Variants in HDGFL2 observed in about 807,000 individuals in gnomAD.
HDGFL2 encodes hepatoma-derived growth factor-related protein 2.
HDGFL2 carries 36 observed loss-of-function variants against 77.1 expected under a neutral mutation model. That is an observed-to-expected ratio of 0.47 (90% confidence interval 0.36 to 0.62). The LOEUF is 0.62. Among genes scored for constraint, HDGFL2 ranks in the 20% least tolerant of loss-of-function variants. The probability of loss-of-function intolerance (pLI) is 0.00; values close to 1 mark genes in which losing one functional copy is unlikely to be tolerated. For synonymous variants in HDGFL2, 463 were observed against 413.1 expected, an observed-to-expected ratio of 1.12 and a Z score of -1.46; for missense variants, 976 against 973.4, an observed-to-expected ratio of 1.00 and a Z score of -0.04.
intron 3 of HDGFL2, among the ~76,000 whole-genome samples, chr19:4,482,975 A>C (rs1030308725): frequency 2.5e-4 from 38 of 150,962 alleles, no homozygotes; most frequent in African/African-American, 9.3e-4. Flanking sequence ...CTGAGCTGCT[A>C]CTCCCCACCC....
At chr19:4,501,408 C>G (rs998003940) in intron 15 of HDGFL2, 91 bp downstream of exon 15, 2 of 1,432,902 alleles carry the variant, frequency 1.4e-6, no homozygotes, top group Admixed American at 2.2e-5. Context: ...GTGCCAGTCC[C>G]TCTGGGATGG....
intron 3 of HDGFL2, among the ~76,000 whole-genome samples, chr19:4,475,927 T>C (rs1355697191): frequency 6.6e-6 from 1 of 151,684 alleles, no homozygotes; most frequent in African/African-American, 2.4e-5. Flanking sequence ...TCTCGCTCTG[T>C]TGTCCAGGAT....
At position 4,501,259 on chromosome 19, in the gene HDGFL2, G is replaced by A. The variant is rs1292343694; in HGVS notation, c.1858G>A (p.Glu620Lys). Residue 620 changes from glutamate (E) to lysine (K), a missense_variant, in exon 15 of 16, where the codon GAG becomes AAG. Coordinates refer to ENST00000616600, the MANE Select transcript of HDGFL2 (RefSeq NM_001001520.3). ...GGAGAGCGCAGAGGACAAGGAGCAC[G>A]AGGAGGGTCGGGACTCGGAGGAGGG... ...KGESAEDKEH[E>K]EGRDSEEGPR... The A allele has an allele frequency of 5.6e-6, 9 of 1,613,558 alleles. No individual in the cohort carries two copies. The highest frequency in any genetic ancestry group is 1.3e-5 in the African/African-American group (1 of 75,030).
rs1412483984 is a variant in HDGFL2, at chr19:4,493,698, C to T, written c.679-5C>T. The T allele has an allele frequency of 6.8e-7, 1 of 1,459,992 alleles. No individual in the cohort carries two copies. The allele number at this position is 1,459,992 out of a possible 1,614,324, so 90.4% of individuals were successfully genotyped here. Reference sequence around the variant, plus strand: ...ATGCTCACGCCTGTCCCTGCTTCTCCCCAGAAGGCGCCATCAGCCTCCGAC... The same window carrying T: ...ATGCTCACGCCTGTCCCTGCTTCTCTCCAGAAGGCGCCATCAGCCTCCGAC... On this transcript the variant is annotated splice_region_variant and splice_polypyrimidine_tract_variant and intron_variant, in intron 6 of 15. Coordinates refer to ENST00000616600, the MANE Select transcript of HDGFL2 (RefSeq NM_001001520.3).
Position 4,501,907 on chromosome 19 carries a change from C to T in HDGFL2, c.1917-4C>T, listed in dbSNP as rs1975904967. 1.4e-6 allele frequency: 2 copies of T among 1,450,104 alleles called. No homozygotes were observed. Among genetic ancestry groups the T allele is most frequent in the East Asian group, 5.2e-5 (2 of 38,594 alleles). The allele number at this position is 1,450,104 out of a possible 1,614,324, so 89.8% of individuals were successfully genotyped here. A position where few individuals can be genotyped will look rare whatever the true frequency, so the allele number is the denominator to read the frequency against. The stretch of plus-strand genomic sequence containing the variant: ...CCTCACACCGCCTTTGCTGTTCCCA[C>T]CAGCAGCGTACGGGAGGGTCCCGAC... On this transcript the variant is annotated splice_polypyrimidine_tract_variant and splice_region_variant and intron_variant, in intron 15 of 15. Transcript: ENST00000616600.
chr19:4,494,559 T>G, intron 9 of HDGFL2, 84 bp downstream of exon 9: 1 of 1,046,196 alleles, frequency 9.6e-7, no homozygotes, highest in Non-Finnish European at 1.2e-6. Context: ...GTATCCCAGG[T>G]TCCGGGACCC....
intron 7 of HDGFL2, 29 bp downstream of exon 7, chr19:4,493,891 G>A (rs1975621412): frequency 4.0e-6 from 6 of 1,510,924 alleles, no homozygotes; most frequent in South Asian, 2.5e-5. Flanking sequence ...CACATCTCTT[G>A]GCCTGGCCCC....
chr19:4,488,532 G>A (rs939194265), intron 3 of HDGFL2, 144 bp from the exon 4 acceptor site: 31 of 745,108 alleles, frequency 4.2e-5, no homozygotes, highest in South Asian at 5.5e-5. Context: ...TCTGGGCCTC[G>A]GTTTCCCCAT....
At chr19:4,499,398 T>G in intron 13 of HDGFL2, 93 bp from the exon 14 acceptor site, 1 of 1,100,664 alleles carries the variant, frequency 9.1e-7, no homozygotes, top group Non-Finnish European at 1.3e-6. Context: ...CGGGAGGGGC[T>G]GCGGGAGGGG....
chr19:4,496,381 G>A lies in HDGFL2; in HGVS notation c.1304G>A (p.Arg435Gln), dbSNP rs373581575. The change falls in exon 10 of 16, where the codon CGG (arginine) becomes CAG (glutamine). Residue 435 changes from arginine to glutamine, a missense_variant. By Grantham distance (43) the Arg-to-Gln change is conservative (BLOSUM62 1). Coordinates refer to ENST00000616600, the MANE Select transcript of HDGFL2 (RefSeq NM_001001520.3). Reference sequence around the variant, plus strand: ...CCTGGCCAGAAGGAGAAGAGAGTGCGGCCCGAGGAGAAGCAACAAGCCAAG... The same window carrying A: ...CCTGGCCAGAAGGAGAAGAGAGTGCAGCCCGAGGAGAAGCAACAAGCCAAG... The part of the protein sequence containing the change: ...RKPGQKEKRV[R>Q]PEEKQQAKPV... 52 of 1,613,824 alleles carry A rather than the reference G, an allele frequency of 3.2e-5. No individual in the cohort carries two copies. Among genetic ancestry groups the A allele is most frequent in the Non-Finnish European group, 4.2e-5 (50 of 1,179,916 alleles).
At chr19:4,482,181 G>A (rs1479586750) in intron 3 of HDGFL2, among the ~76,000 whole-genome samples, 1 of 148,536 alleles carries the variant, frequency 6.7e-6, no homozygotes, top group Non-Finnish European at 1.5e-5. Context: ...TACAAGTGTG[G>A]CTTACTGCGC....
At chr19:4,478,679 G>A (rs1975134729) in intron 3 of HDGFL2, among the ~76,000 whole-genome samples, 3 of 150,128 alleles carry the variant, frequency 2.0e-5, no homozygotes, top group Admixed American at 2.0e-4. Context: ...GTGGGTAGTT[G>A]GTTGGTTGGT....
intron 1 of HDGFL2, 37 bp downstream of exon 1, chr19:4,472,459 G>GC (rs1216613989): frequency 6.8e-6 from 3 of 440,350 alleles, no homozygotes; most frequent in South Asian, 3.5e-5. Context: ...GTGGGGGGGG[G>GC]GGGGGGGGCA....
intron 11 of HDGFL2, 41 bp from the exon 12 acceptor site, chr19:4,498,265 G>T (rs1975762039): frequency 1.9e-6 from 3 of 1,569,176 alleles, no homozygotes; most frequent in Admixed American, 1.7e-5. Context: ...GCCCCCTGTG[G>T]CCCTGCCTGG....
In HDGFL2 at chr19:4,491,698, C is replaced by T. The variant is rs1441286237; in HGVS notation, c.606+16C>T. The T allele has an allele frequency of 3.7e-6, 6 of 1,613,844 alleles. No individual in the cohort carries two copies. The highest frequency in any genetic ancestry group is 5.1e-6 in the Non-Finnish European group (6 of 1,179,814). The stretch of plus-strand genomic sequence containing the variant: ...CAGCGACCAGGTGGGCCAGTGGCTC[C>T]TTGGGATGGCAGGGAAGCGTGGTGG... On this transcript the variant is annotated intron_variant, in intron 5 of 15. Transcript: ENST00000616600.
intron 13 of HDGFL2, among the ~76,000 whole-genome samples, 180 bp from the exon 14 acceptor site, chr19:4,499,311 A>G (rs1275214334): frequency 1.3e-5 from 2 of 150,492 alleles, no homozygotes; most frequent in East Asian, 2.0e-4. Flanking sequence ...GCGCCACTGC[A>G]CTCTAGCCTG....
chr19:4,478,973 G>A (rs926057475), intron 3 of HDGFL2, among the ~76,000 whole-genome samples: 1 of 151,244 alleles, frequency 6.6e-6, no homozygotes, highest in Non-Finnish European at 1.5e-5. Context: ...GTGAGCCACC[G>A]CGCCCAACAG....
At position 4,475,289 on chromosome 19, in the gene HDGFL2, G is replaced by A. The variant is rs1310079679; in HGVS notation, c.87G>A (p.Ala29=). 2.5e-6 allele frequency: 4 copies of A among 1,613,934 alleles called. No individual in the cohort carries two copies. The African/African-American group carries it at 5.3e-5, about 22-fold the overall frequency. ...PHWPARIDDI[A]DGAVKPPPNK... The stretch of plus-strand genomic sequence containing the variant: ...TCTCACTGCAGATCGACGACATCGC[G>A]GATGGCGCCGTGAAGCCCCCACCCA... The change falls in exon 2 of 16, where the codon GCG becomes GCA. Residue 29 remains alanine, a synonymous_variant. Coordinates refer to ENST00000616600, the MANE Select transcript of HDGFL2 (RefSeq NM_001001520.3).
At position 4,498,819 on chromosome 19, in the gene HDGFL2, G is replaced by A; in HGVS notation, c.1479G>A (p.Val493=). Residue 493 remains valine (V), a synonymous_variant, in exon 13 of 16, where the codon GTG becomes GTA. Coordinates refer to ENST00000616600, the MANE Select transcript of HDGFL2 (RefSeq NM_001001520.3). Reference sequence around the variant, plus strand: ...ACTCCCACCCCACCCTGCAGGACGTGAAGAGGTGCCTGAATGCCCTAGAGG... The same window carrying A: ...ACTCCCACCCCACCCTGCAGGACGTAAAGAGGTGCCTGAATGCCCTAGAGG... ...KFALKVDSPD[V]KRCLNALEEL... 6.2e-7 allele frequency: 1 copy of A among 1,606,658 alleles called. No homozygotes were observed. The highest frequency in any genetic ancestry group is 8.5e-7 in the Non-Finnish European group (1 of 1,176,142).
Sources: allele counts gnomAD v4.1 joint callset (sites outside exome capture counted in the v4.1 genomes callset), GRCh38; gene constraint gnomAD v4.1.1; transcripts MANE v1.5; gene names NCBI Gene and HGNC (gene_info 2026-07-23, HGNC 2026-07-21).